Variants in AGBL4 observed in about 807,000 individuals in gnomAD.
AGBL4 encodes cytosolic carboxypeptidase 6.
Under a neutral mutation model 66.4 loss-of-function variants are expected in AGBL4, and 58 were observed. That is an observed-to-expected ratio of 0.87 (90% confidence interval 0.71 to 1.09). The LOEUF (loss-of-function observed/expected upper bound fraction) is 1.09, where lower values mean the gene tolerates loss of function less well. Among genes scored for constraint, AGBL4 ranks in the 50% least tolerant of loss-of-function variants. The pLI is 0.00. For synonymous variants in AGBL4, 234 were observed against 222.9 expected (o/e 1.05, Z -0.44); for missense variants, 579 against 631.0 (o/e 0.92, Z 0.88).
chr1:49,279,752 A>C (rs1305691160), intron 3 of AGBL4, among the ~76,000 whole-genome samples: 1 of 152,090 alleles, frequency 6.6e-6, no homozygotes, highest in Non-Finnish European at 1.5e-5. Flanking sequence ...GATCTAGCCA[A>C]CTCCTATCTT....
intron 3 of AGBL4, among the ~76,000 whole-genome samples, chr1:49,426,101 T>C (rs1570686914): frequency 6.6e-6 from 1 of 152,214 alleles, no homozygotes; most frequent in East Asian, 1.9e-4. Flanking sequence ...TATTTTATTG[T>C]TATTTTTCAA....
intron 3 of AGBL4, among the ~76,000 whole-genome samples, chr1:49,391,544 C>T (rs1162001343): frequency 6.9e-6 from 1 of 144,954 alleles, no homozygotes; most frequent in Non-Finnish European, 1.5e-5. Context: ...TCCAGGATAA[C>T]CATGAGTTTT....
chr1:49,620,935 A>G (rs557842789), intron 3 of AGBL4, among the ~76,000 whole-genome samples: 1 of 152,198 alleles, frequency 6.6e-6, no homozygotes, highest in African/African-American at 2.4e-5. Context: ...AAAACCTTGT[A>G]GGTAATTACA....
chr1:49,545,993 C>G (rs912180046), intron 3 of AGBL4, among the ~76,000 whole-genome samples: 1 of 152,112 alleles, frequency 6.6e-6, no homozygotes, highest in African/African-American at 2.4e-5. Flanking sequence ...GAGCAGTATA[C>G]AATGCACCAT....
intron 6 of AGBL4, among the ~76,000 whole-genome samples, chr1:48,747,034 G>A (rs894396513): frequency 4.6e-5 from 7 of 152,188 alleles, no homozygotes; most frequent in South Asian, 2.1e-4. Flanking sequence ...CTTCACTACC[G>A]ATGTTGGCAA....
At chr1:49,279,170 CA>C (rs1422118540) in intron 3 of AGBL4, among the ~76,000 whole-genome samples, 1 of 152,168 alleles carries the variant, frequency 6.6e-6, no homozygotes, top group African/African-American at 2.4e-5. Flanking sequence ...TAAAGATAAT[CA>C]CGTTTTTCTC....
chr1:48,623,192 G>A (rs898960966), intron 9 of AGBL4, among the ~76,000 whole-genome samples: 1 of 152,180 alleles, frequency 6.6e-6, no homozygotes, highest in African/African-American at 2.4e-5. Context: ...ATCTTTAATG[G>A]GTAAATGAAT....
chr1:48,528,526 G>T (rs75137124), downstream of AGBL4, among the ~76,000 whole-genome samples: 5,983 of 152,068 alleles, frequency 0.039, 402 homozygotes, highest in African/African-American at 0.13. Context: ...CGAGGTCTGG[G>T]GCTGAACCGA....
intron 2 of AGBL4, among the ~76,000 whole-genome samples, chr1:49,824,617 C>A (rs6680547): frequency 2.6e-5 from 4 of 151,986 alleles, no homozygotes; most frequent in Admixed American, 2.6e-4. Context: ...CCTGGTTAGA[C>A]AACTAAGTTA....
rs372692073 is a variant in AGBL4 at position 48,674,528 on chromosome 1, C to T, written c.635-11287G>A. Among the ~76,000 whole-genome samples, 15 of 9,644 alleles carry T rather than the reference C, an allele frequency of 1.6e-3. No homozygotes were observed. In the East Asian group the frequency reaches 0.049, roughly 32 times the overall value. The allele number at this position is 9,644 out of a possible 152,430, so 6.3% of individuals were successfully genotyped here. The stretch of plus-strand genomic sequence containing the variant: ...GCTGGGGGTGTTGGGCGCGTTGGGG[C>T]GGGGAGGGGGGGGATGGGTGGGTGA... On this transcript the variant is annotated intron_variant, in intron 6 of 13. Transcript: ENST00000371839.
chr1:48,887,761 AG>A (rs1650516289), intron 5 of AGBL4, among the ~76,000 whole-genome samples: 1 of 152,204 alleles, frequency 6.6e-6, no homozygotes, highest in Admixed American at 6.5e-5. Context: ...CCTTGTCAAA[AG>A]TCTCCTGATC....
intron 2 of AGBL4, among the ~76,000 whole-genome samples, chr1:49,804,664 C>T (rs1644937221): frequency 6.6e-6 from 1 of 152,096 alleles, no homozygotes; most frequent in Non-Finnish European, 1.5e-5. Context: ...CCACTTTGTT[C>T]ATTAATTGTA....
intron 5 of AGBL4, among the ~76,000 whole-genome samples, chr1:49,023,893 C>A (rs1389264365): frequency 6.6e-6 from 1 of 152,130 alleles, no homozygotes; most frequent in Non-Finnish European, 1.5e-5. Context: ...TCAATGGCAT[C>A]AGGTTTTCTT....
At chr1:49,536,467 C>G (rs576045243) in intron 3 of AGBL4, among the ~76,000 whole-genome samples, 1 of 152,040 alleles carries the variant, frequency 6.6e-6, no homozygotes, top group Non-Finnish European at 1.5e-5. Context: ...AAATTAGTAA[C>G]ATTAGCTTTA....
chr1:49,879,308 C>A (rs1430750113), intron 1 of AGBL4, among the ~76,000 whole-genome samples: 3 of 151,398 alleles, frequency 2.0e-5, no homozygotes, highest in African/African-American at 7.3e-5. Context: ...CCGGTTGTTT[C>A]TTTCCATGTT....
chr1:49,724,914 T>G lies in AGBL4; in HGVS notation c.158-27477A>C, dbSNP rs182421506. ...CTCCAGAAATGTGAGAAAATAAATT[T>G]CTGTTGTATAAGCATGCAGTCCATG... is the stretch of plus-strand genomic sequence containing the variant. On this transcript the variant is annotated intron_variant, in intron 2 of 13. Transcript: ENST00000371839. Among the ~76,000 whole-genome samples the G allele has an allele frequency of 1.1e-4, 16 of 152,106 alleles. No individual in the cohort carries two copies. In the East Asian group the frequency reaches 3.1e-3, roughly 29 times the overall value.
rs926766740 is a variant in AGBL4, at chr1:49,875,067, T to C, written c.35-23549A>G. Among the ~76,000 whole-genome samples the C allele has an allele frequency of 2.4e-4, 36 of 149,070 alleles. 1 individual carries two copies. Among genetic ancestry groups the C allele is most frequent in the African/African-American group, 7.9e-4 (32 of 40,656 alleles). ...TTCAATTTCCACCTATGAGTGAGAATATGTGGTATTTGGTTTTTTTGTTCT... is the reference window on the plus strand; with the variant it reads ...TTCAATTTCCACCTATGAGTGAGAACATGTGGTATTTGGTTTTTTTGTTCT... On this transcript the variant is annotated intron_variant, in intron 1 of 13. Coordinates refer to ENST00000371839, the MANE Select transcript of AGBL4 (RefSeq NM_032785.4).
Position 48,625,340 on chromosome 1 carries a change from T to C in AGBL4, c.951+9153A>G, listed in dbSNP as rs190573898. The stretch of plus-strand genomic sequence containing the variant: ...ATTTCCAGGTTTTAATAAGTGATTT[T>C]CTTCTTTCCTGCCTGCCTTTTCTCC... On this transcript the variant is annotated intron_variant, in intron 9 of 13. Transcript: ENST00000371839. Among the ~76,000 whole-genome samples the C allele has an allele frequency of 1.5e-3, 233 of 151,788 alleles. 1 individual carries two copies. The highest frequency in any genetic ancestry group is 2.0e-3 in the Non-Finnish European group (135 of 68,024).
chr1:49,050,575 A>G (rs1489687186), intron 4 of AGBL4, among the ~76,000 whole-genome samples: 6 of 152,114 alleles, frequency 3.9e-5, no homozygotes, highest in Non-Finnish European at 8.8e-5. Flanking sequence ...TGCCCTGAAT[A>G]TATCATATTC....
Sources: allele counts gnomAD v4.1 joint callset (sites outside exome capture counted in the v4.1 genomes callset), GRCh38; gene constraint gnomAD v4.1.1; transcripts MANE v1.5; gene names NCBI Gene and HGNC (gene_info 2026-07-23, HGNC 2026-07-21).